Variants in MTRR observed in about 807,000 individuals in gnomAD.
The protein encoded by MTRR is 5-methyltetrahydrofolate-homocysteine methyltransferase reductase.
Under a neutral mutation model 79.2 loss-of-function variants are expected in MTRR, and 63 were observed. The ratio of observed to expected loss-of-function variants is 0.80; its 90% CI spans 0.65 to 0.98. MTRR has a LOEUF of 0.98. Ranked by LOEUF, MTRR falls within the 50% of genes least tolerant of loss-of-function variation. MTRR has a pLI of 0.00. For missense variants in MTRR, 895 were observed against 839.6 expected, an observed-to-expected ratio of 1.07 and a Z score of -0.82; for synonymous variants, 355 against 313.3, an observed-to-expected ratio of 1.13 and a Z score of -1.41.
intron 2 of MTRR, 70 bp from the exon 3 acceptor site, chr5:7,873,303 G>T: frequency 2.5e-6 from 4 of 1,579,552 alleles, no homozygotes; most frequent in Non-Finnish European, 3.5e-6. Context: ...TAAGCTGATT[G>T]CTTTGCTGCT....
At chr5:7,856,964 A>C (rs1746264684) in intron 1 of MTRR, 1 of 151,922 alleles carries the variant, frequency 6.6e-6, no homozygotes, top group South Asian at 2.1e-4. Flanking sequence ...CCTGCCTGCC[A>C]TCTACACACA....
Position 7,889,206 on chromosome 5 carries a change from G to T in MTRR, c.1258G>T (p.Ala420Ser). The T allele has an allele frequency of 1.2e-6, 2 of 1,613,806 alleles. No individual in the cohort carries two copies. The highest frequency in any genetic ancestry group is 1.7e-6 in the Non-Finnish European group (2 of 1,180,030). The change falls in exon 9 of 15, where the codon GCC becomes TCC. Residue 420 changes from alanine (A) to serine (S), a missense_variant. Coordinates refer to ENST00000440940, the MANE Select transcript of MTRR (RefSeq NM_002454.3). ...CGATTATAGCCGCTTTGTACGAGATGCCTGTGCCTGCTTGTTGGATCTCCT... is the reference window on the plus strand; with the variant it reads ...CGATTATAGCCGCTTTGTACGAGATTCCTGTGCCTGCTTGTTGGATCTCCT... ...AADYSRFVRD[A>S]CACLLDLLLA...
At chr5:7,878,408 G>C (rs1734950695) in intron 5 of MTRR, 86 bp downstream of exon 5, 1 of 1,548,262 alleles carries the variant, frequency 6.5e-7, no homozygotes. Context: ...CATTAGAAGA[G>C]AGGTCAACAA....
intron 4 of MTRR, 140 bp downstream of exon 4, chr5:7,875,515 C>A: frequency 1.2e-6 from 1 of 812,274 alleles, no homozygotes; most frequent in Non-Finnish European, 2.2e-6. Flanking sequence ...CTTTAGGATC[C>A]AAGAGGGTCA....
At chr5:7,855,421 A>AG (rs869252242) in intron 1 of MTRR, among the ~76,000 whole-genome samples, 3 of 80 alleles carry the variant, frequency 0.037, no homozygotes, top group Non-Finnish European at 0.12. Flanking sequence ...ATTCCAGTGG[A>AG]AAAAAAAAAA....
At chr5:7,877,606 T>A (rs896132253) in intron 4 of MTRR, among the ~76,000 whole-genome samples, 8 of 151,940 alleles carry the variant, frequency 5.3e-5, no homozygotes, top group African/African-American at 1.7e-4. Context: ...TTAGTATGCC[T>A]ATTTAAAATT....
In MTRR at chr5:7,885,697, C is replaced by CT. The variant is rs764339809; in HGVS notation, c.904-3dup. The stretch of plus-strand genomic sequence containing the variant: ...TTTTTTTTTTCATTTTGGCTCTTCT[C>CT]TAGAATACAGACTTTTCCTATCAGC... On this transcript the variant is annotated splice_region_variant and splice_polypyrimidine_tract_variant and intron_variant, in intron 6 of 14. Coordinates refer to ENST00000440940, the MANE Select transcript of MTRR (RefSeq NM_002454.3). The CT allele has an allele frequency of 1.2e-6, 2 of 1,600,528 alleles. No homozygotes were observed. Among genetic ancestry groups the CT allele is most frequent in the South Asian group, 2.2e-5 (2 of 89,390 alleles).
At chr5:7,881,125 T>G (rs988021910) in intron 5 of MTRR, among the ~76,000 whole-genome samples, 1 of 152,104 alleles carries the variant, frequency 6.6e-6, no homozygotes, top group Non-Finnish European at 1.5e-5. Flanking sequence ...TTGATTTCTT[T>G]TCATTGTAAG....
At chr5:7,867,102 GT>G, upstream of MTRR, 1 of 1,614,184 alleles carries the variant, frequency 6.2e-7, no homozygotes, top group Admixed American at 1.7e-5. Context: ...TTAGTGAAAT[GT>G]GGGACATGCC....
chr5:7,869,148 A>T lies in MTRR; in HGVS notation c.-93A>T. On this transcript the variant is annotated 5_prime_UTR_variant, in exon 1 of 15. Transcript: ENST00000440940. ...GGGTACCGAGCATGGGCGCTGCGTC[A>T]GTGCGCGCTGGCGCAAGGTTGGTGG... 1.2e-5 allele frequency: 20 copies of T among 1,613,326 alleles called. No homozygotes were observed. Among genetic ancestry groups the T allele is most frequent in the Non-Finnish European group, 1.7e-5 (20 of 1,179,844 alleles).
At chr5:7,872,336 C>G in intron 2 of MTRR, 1 of 373,388 alleles carries the variant, frequency 2.7e-6, no homozygotes, top group South Asian at 2.0e-5. Flanking sequence ...ATTTGAAATA[C>G]TTAAATTTAC....
In MTRR at chr5:7,873,451, C is replaced by T. The variant is rs374239028; in HGVS notation, c.208C>T (p.Arg70Cys). Residue 70 changes from arginine to cysteine, a missense_variant, in exon 3 of 15, where the codon CGC becomes TGC. By Grantham distance (180) the Arg-to-Cys change is radical (BLOSUM62 -3). Transcript: ENST00000440940. ...CACCGGAGACCCACCCGACACAGCC[C>T]GCAAGTTTGTTAAGGAAATACAGAA... ...TGTGDPPDTA[R>C]KFVKEIQNQT... 8.1e-5 allele frequency: 131 copies of T among 1,614,080 alleles called. No individual in the cohort carries two copies. The highest frequency in any genetic ancestry group is 1.8e-4 in the East Asian group (8 of 44,868).
intron 1 of MTRR, chr5:7,861,189 T>C: frequency 6.2e-7 from 1 of 1,612,790 alleles, no homozygotes; most frequent in South Asian, 1.1e-5. Flanking sequence ...GTGTCTTTGT[T>C]TAATAGCTTC....
upstream of MTRR, chr5:7,867,199 C>T: frequency 6.2e-7 from 1 of 1,614,100 alleles, no homozygotes; most frequent in Non-Finnish European, 8.5e-7. Flanking sequence ...TTTGGCTAAT[C>T]AATTTAGGAC....
intron 12 of MTRR, among the ~76,000 whole-genome samples, chr5:7,896,143 GTGA>G (rs1488506234): frequency 6.6e-6 from 1 of 152,174 alleles, no homozygotes; most frequent in Non-Finnish European, 1.5e-5. Context: ...CCTTCGTACT[GTGA>G]TGATATACAG....
intron 11 of MTRR, among the ~76,000 whole-genome samples, chr5:7,894,808 G>A (rs950041017): frequency 5.9e-5 from 9 of 152,152 alleles, no homozygotes; most frequent in Non-Finnish European, 1.2e-4. Flanking sequence ...TGTAAGTTCC[G>A]TAAAGACAGG....
intron 8 of MTRR, 115 bp from the exon 9 acceptor site, chr5:7,888,980 C>A: frequency 8.3e-7 from 1 of 1,202,056 alleles, no homozygotes; most frequent in Non-Finnish European, 1.2e-6. Context: ...CTCCTAGTGG[C>A]TTTCTCATTT....
Position 7,873,445 on chromosome 5 carries a change from A to G in MTRR, c.202A>G (p.Thr68Ala), listed in dbSNP as rs769737059. ...STTGTGDPPDTARKFVKEIQN... is the reference protein window; with the variant it reads ...STTGTGDPPDAARKFVKEIQN... Reference sequence around the variant, plus strand: ...CACGGGCACCGGAGACCCACCCGACACAGCCCGCAAGTTTGTTAAGGAAAT... The same window carrying G: ...CACGGGCACCGGAGACCCACCCGACGCAGCCCGCAAGTTTGTTAAGGAAAT... Residue 68 changes from threonine (T) to alanine (A), a missense_variant, in exon 3 of 15, where the codon ACA becomes GCA. Coordinates refer to ENST00000440940, the MANE Select transcript of MTRR (RefSeq NM_002454.3). 4 of 1,614,164 alleles carry G rather than the reference A, an allele frequency of 2.5e-6. No homozygotes were observed. The South Asian group carries it at 3.3e-5, about 13-fold the overall frequency.
intron 1 of MTRR, among the ~76,000 whole-genome samples, chr5:7,856,433 T>G (rs1746248672): frequency 6.6e-6 from 1 of 152,190 alleles, no homozygotes; most frequent in South Asian, 2.1e-4. Context: ...ATGTTCCTTC[T>G]TACAGACCAT....
Sources: gnomAD v4.1 joint callset for allele counts (sites outside exome capture counted in the v4.1 genomes callset) on GRCh38, gnomAD v4.1.1 for gene constraint, MANE v1.5 for transcripts, NCBI Gene and HGNC (gene_info 2026-07-23, HGNC 2026-07-21) for gene names.